The following PTPRD variants were observed in gnomAD, a reference collection of about 807,000 sequenced individuals.
The protein encoded by PTPRD is receptor-type tyrosine-protein phosphatase delta.
A neutral mutation model predicts 214.5 loss-of-function variants in PTPRD; 34 were observed. The observed-to-expected ratio is 0.16, with a 90% CI of 0.12 to 0.21. The LOEUF is 0.21. Among genes scored for constraint, PTPRD ranks in the 10% least tolerant of loss-of-function variants. The pLI is 1.00. For missense variants in PTPRD, 2,545 were observed against 2,398.7 expected, an observed-to-expected ratio of 1.06 and a Z score of -1.27; for synonymous variants, 1,128 against 845.7, an observed-to-expected ratio of 1.33 and a Z score of -5.79.
intron 3 of PTPRD, among the ~76,000 whole-genome samples, chr9:10,086,119 AG>A (rs1427995500): frequency 1.3e-5 from 2 of 151,856 alleles, no homozygotes; most frequent in Non-Finnish European, 2.9e-5. Flanking sequence ...TAAAGGTTTT[AG>A]CATATTGGGG....
rs116560751 is a variant in PTPRD, at chr9:8,924,052, G to A, written c.-104+94645C>T. Among the ~76,000 whole-genome samples the A allele has an allele frequency of 5.2e-3, 791 of 152,236 alleles. 7 individuals carry two copies. Among genetic ancestry groups the A allele is most frequent in the African/African-American group, 0.018 (763 of 41,536 alleles). ...GGCAGTCATTTTCTAAATTTAGAAT[G>A]AAGAAATATTTTAATTTTATTATTA... On this transcript the variant is annotated intron_variant, in intron 11 of 45. Coordinates refer to ENST00000381196, the MANE Select transcript of PTPRD (RefSeq NM_002839.4).
At chr9:9,982,001 A>T (rs2095558439) in intron 4 of PTPRD, among the ~76,000 whole-genome samples, 1 of 152,232 alleles carries the variant, frequency 6.6e-6, no homozygotes, top group Non-Finnish European at 1.5e-5. Flanking sequence ...ATTAATTATC[A>T]GTAAATGAGC....
intron 2 of PTPRD, among the ~76,000 whole-genome samples, chr9:10,421,961 T>G (rs2098549865): frequency 6.6e-6 from 1 of 151,962 alleles, no homozygotes; most frequent in African/African-American, 2.4e-5. Flanking sequence ...GAGAATGATT[T>G]AAGTATAAAA....
At chr9:9,372,802 G>C (rs1458055370) in intron 9 of PTPRD, among the ~76,000 whole-genome samples, 9 of 152,022 alleles carry the variant, frequency 5.9e-5, no homozygotes. Context: ...TTTTTGGGCA[G>C]GCCTGGTGGT....
At chr9:8,805,845 A>G (rs112015650) in intron 11 of PTPRD, among the ~76,000 whole-genome samples, 2,184 of 150,988 alleles carry the variant, frequency 0.014, 43 homozygotes, top group African/African-American at 0.047. Flanking sequence ...AATACAAAAA[A>G]TAAGCCGGGC....
Position 8,314,741 on chromosome 9 carries a change from C to T in PTPRD, c.*3133G>A, listed in dbSNP as rs1005346548. 8.6e-6 allele frequency: 2 copies of T among 232,256 alleles called. No homozygotes were observed. The highest frequency in any genetic ancestry group is 4.4e-5 in the African/African-American group (2 of 45,234). 14.4% of individuals were successfully genotyped at this position (232,256 alleles called of 1,614,324 possible). On this transcript the variant is annotated 3_prime_UTR_variant, in exon 46 of 46. Coordinates refer to ENST00000381196, the MANE Select transcript of PTPRD (RefSeq NM_002839.4). ...CATTACTGCAGACTTTTTTCCCTTC[C>T]TGTTTCTATGTTGTGTTATTTACAT...
intron 2 of PTPRD, among the ~76,000 whole-genome samples, chr9:10,563,695 G>A (rs1015274287): frequency 3.3e-5 from 5 of 151,540 alleles, no homozygotes; most frequent in African/African-American, 1.2e-4. Flanking sequence ...TTTAAATTTT[G>A]GAGGAGGTGT....
At chr9:8,671,671 T>C (rs2097289466) in intron 12 of PTPRD, among the ~76,000 whole-genome samples, 1 of 152,190 alleles carries the variant, frequency 6.6e-6, no homozygotes. Flanking sequence ...AGGGCACATT[T>C]AAAGAGGCAT....
chr9:8,807,785 T>A (rs1278780036), intron 11 of PTPRD, among the ~76,000 whole-genome samples: 2 of 152,158 alleles, frequency 1.3e-5, no homozygotes, highest in Non-Finnish European at 2.9e-5. Flanking sequence ...TCCTGAAATT[T>A]GTTTCATATC....
chr9:8,705,264 A>T (rs1030027820), intron 12 of PTPRD, among the ~76,000 whole-genome samples: 22 of 152,254 alleles, frequency 1.4e-4, no homozygotes, highest in African/African-American at 5.1e-4. Flanking sequence ...CTTGTCACCC[A>T]GACTGGAGTG....
At chr9:9,423,680 C>T (rs1288365957) in intron 8 of PTPRD, among the ~76,000 whole-genome samples, 1 of 152,070 alleles carries the variant, frequency 6.6e-6, no homozygotes, top group Non-Finnish European at 1.5e-5. Flanking sequence ...GAAATGGAAT[C>T]TATGAAAAAT....
At chr9:10,177,870 C>T (rs1020246229) in intron 3 of PTPRD, among the ~76,000 whole-genome samples, 2 of 151,826 alleles carry the variant, frequency 1.3e-5, no homozygotes, top group African/African-American at 4.8e-5. Flanking sequence ...TATCTACTAT[C>T]CACTTCCTTT....
chr9:9,929,802 T>A (rs571021489), intron 5 of PTPRD, among the ~76,000 whole-genome samples: 2 of 151,140 alleles, frequency 1.3e-5, no homozygotes, highest in African/African-American at 4.8e-5. Flanking sequence ...CATAGAGCTA[T>A]GTGATGAATG....
intron 3 of PTPRD, among the ~76,000 whole-genome samples, chr9:10,236,210 A>C (rs1378419518): frequency 6.6e-6 from 1 of 151,940 alleles, no homozygotes; most frequent in Non-Finnish European, 1.5e-5. Flanking sequence ...GTCATTGCCA[A>C]GGCCATTTAA....
At chr9:8,916,888 T>C (rs185741620) in intron 11 of PTPRD, among the ~76,000 whole-genome samples, 1 of 152,112 alleles carries the variant, frequency 6.6e-6, no homozygotes, top group Non-Finnish European at 1.5e-5. Context: ...TGACTAAATC[T>C]TTCTCATAAA....
chr9:9,957,859 G>C (rs971330844), intron 4 of PTPRD, among the ~76,000 whole-genome samples: 2 of 150,420 alleles, frequency 1.3e-5, no homozygotes, highest in Non-Finnish European at 3.0e-5. Flanking sequence ...CAGAATAGAA[G>C]ATTAGCACTA....
intron 5 of PTPRD, among the ~76,000 whole-genome samples, chr9:9,807,535 T>C (rs946050010): frequency 6.6e-6 from 1 of 152,172 alleles, no homozygotes; most frequent in African/African-American, 2.4e-5. Context: ...TTAAGCATTT[T>C]CCCATATGCC....
At chr9:9,972,920 C>T (rs1052708641) in intron 4 of PTPRD, among the ~76,000 whole-genome samples, 2 of 152,118 alleles carry the variant, frequency 1.3e-5, no homozygotes, top group Non-Finnish European at 2.9e-5. Flanking sequence ...ATTACATCTG[C>T]AGAGCCCCTT....
At chr9:8,837,614 A>T (rs2097460691) in intron 11 of PTPRD, among the ~76,000 whole-genome samples, 3 of 152,124 alleles carry the variant, frequency 2.0e-5, no homozygotes, top group Admixed American at 2.0e-4. Context: ...CTTCCACCTT[A>T]GCCTCTCAAG....
Sources: allele counts gnomAD v4.1 joint callset (sites outside exome capture counted in the v4.1 genomes callset), GRCh38; gene constraint gnomAD v4.1.1; transcripts MANE v1.5; gene names NCBI Gene and HGNC (gene_info 2026-07-23, HGNC 2026-07-21).